Variants in ZSCAN2 observed in about 807,000 individuals in gnomAD.
ZSCAN2 encodes zinc finger and SCAN domain containing 2.
Under a neutral mutation model 47.8 loss-of-function variants are expected in ZSCAN2, and 26 were observed. The observed-to-expected ratio is 0.54, with a 90% CI of 0.40 to 0.75. ZSCAN2 has a LOEUF of 0.75. Among genes scored for constraint, ZSCAN2 ranks in the 30% least tolerant of loss-of-function variants. ZSCAN2 has a pLI of 0.00. For missense variants in ZSCAN2, 732 were observed against 785.4 expected (o/e 0.93, Z 0.81); for synonymous variants, 305 against 288.7 (o/e 1.06, Z -0.57).
chr15:84,608,393 C>T (rs1370862042), intron 2 of ZSCAN2, among the ~76,000 whole-genome samples: 6 of 151,874 alleles, frequency 4.0e-5, no homozygotes, highest in Admixed American at 1.3e-4. Flanking sequence ...ATCAGCCAGG[C>T]ATGGTGGCAT....
In ZSCAN2 at chr15:84,622,233, A is replaced by T; in HGVS notation, c.*193A>T. Reference sequence around the variant, plus strand: ...GAGTCAAGTCCCGTATACATTCAAGAACAGGGCATAGGCGTGGAAGGTCTG... The same window carrying T: ...GAGTCAAGTCCCGTATACATTCAAGTACAGGGCATAGGCGTGGAAGGTCTG... On this transcript the variant is annotated 3_prime_UTR_variant, in exon 3 of 3. Transcript: ENST00000546148. The T allele has an allele frequency of 1.6e-6, 1 of 618,324 alleles. No homozygotes were observed. The highest frequency in any genetic ancestry group is 2.9e-6 in the Non-Finnish European group (1 of 346,106). The allele number at this position is 618,324 out of a possible 1,614,324, so 38.3% of individuals were successfully genotyped here.
intron 1 of ZSCAN2, among the ~76,000 whole-genome samples, chr15:84,602,527 A>G (rs528558103): frequency 1.3e-5 from 2 of 149,954 alleles, no homozygotes; most frequent in Non-Finnish European, 3.0e-5. Context: ...TCCTGTCATT[A>G]CCACCTAAAG....
chr15:84,621,333 C>T lies in ZSCAN2; in HGVS notation c.1138C>T (p.His380Tyr), dbSNP rs761971075. Residue 380 changes from histidine to tyrosine, a missense_variant, in exon 3 of 3, where the codon CAC becomes TAC. His to Tyr is a moderately conservative substitution (Grantham distance 83, BLOSUM62 2). Transcript: ENST00000546148. The surrounding 1 kb of genome is among the most constrained non-coding windows in gnomAD (Gnocchi z 5.7). ...TAGTTACAACTCCAATCTAATCAGA[C>T]ACCAGAGAATCCACACAGGAGAGAA... is the stretch of plus-strand genomic sequence containing the variant. Reference protein sequence around the residue: ...SFSYNSNLIRHQRIHTGEKPY... With the variant: ...SFSYNSNLIRYQRIHTGEKPY... The T allele has an allele frequency of 6.2e-7, 1 of 1,613,998 alleles. No homozygotes were observed. Among genetic ancestry groups the T allele is most frequent in the Admixed American group, 1.7e-5 (1 of 59,986 alleles).
chr15:84,619,230 G>A (rs7181056), intron 2 of ZSCAN2, among the ~76,000 whole-genome samples: 130,024 of 151,858 alleles, frequency 0.86, 56,066 homozygotes, highest in African/African-American at 0.96. Flanking sequence ...AGGAGATCGA[G>A]ACCATCCTGG....
intron 2 of ZSCAN2, among the ~76,000 whole-genome samples, chr15:84,609,190 T>A (rs1313501312): frequency 6.6e-6 from 1 of 150,650 alleles, no homozygotes; most frequent in East Asian, 1.9e-4. Flanking sequence ...GAGTGGAGAG[T>A]GTTACAGCTT....
chr15:84,606,581 T>C, intron 2 of ZSCAN2: 1 of 1,614,046 alleles, frequency 6.2e-7, no homozygotes, highest in Non-Finnish European at 8.5e-7. Context: ...TGTAATGAAC[T>C]TCTGGATCTC....
At chr15:84,620,167 C>T (rs905164710) in intron 2 of ZSCAN2, among the ~76,000 whole-genome samples, 2 of 152,228 alleles carry the variant, frequency 1.3e-5, no homozygotes, top group South Asian at 2.1e-4. Flanking sequence ...TCATTCAGCT[C>T]CTGCTTATAA....
At chr15:84,616,335 C>T (rs1339351502) in intron 2 of ZSCAN2, 1 of 1,564,314 alleles carries the variant, frequency 6.4e-7, no homozygotes, top group East Asian at 2.2e-5. Flanking sequence ...ACATGGCTGC[C>T]CTGTGTGATT....
In ZSCAN2 at chr15:84,622,523, A is replaced by C. The variant is rs1017597399; in HGVS notation, c.*483A>C. On this transcript the variant is annotated 3_prime_UTR_variant, in exon 3 of 3. Transcript: ENST00000546148. ...GCTGTTAGTGTTCCAGGGCACCCCA[A>C]GCTGTCAGTTAGAATCTGCTCTTCT... The C allele has an allele frequency of 1.8e-5, 12 of 685,040 alleles. No homozygotes were observed. The African/African-American group carries it at 2.1e-4, about 12-fold the overall frequency. The allele number at this position is 685,040 out of a possible 1,614,324, so 42.4% of individuals were successfully genotyped here. A position where few individuals can be genotyped will look rare whatever the true frequency, so the allele number is the denominator to read the frequency against.
intron 2 of ZSCAN2, among the ~76,000 whole-genome samples, chr15:84,618,561 A>AT (rs768935304): frequency 3.6e-3 from 497 of 139,542 alleles, no homozygotes; most frequent in Middle Eastern, 0.011. Context: ...ACAGCCATTA[A>AT]TTTTTTTTTT....
chr15:84,614,045 C>T (rs1895629286), intron 2 of ZSCAN2, among the ~76,000 whole-genome samples: 1 of 123,820 alleles, frequency 8.1e-6, no homozygotes, highest in African/African-American at 3.1e-5. Context: ...GGCTGGAATG[C>T]AGTAGCATGA....
rs971549996 is a variant in ZSCAN2 at position 84,623,044 on chromosome 15, C to A, written c.*1004C>A. On this transcript the variant is annotated 3_prime_UTR_variant, in exon 3 of 3. Coordinates refer to ENST00000546148, the MANE Select transcript of ZSCAN2 (RefSeq NM_181877.4). Reference sequence around the variant, plus strand: ...CTTTTATTTTTTATTTGATATATGCCGAGCTAGAATCCTGTCGGGTAGCTT... The same window carrying A: ...CTTTTATTTTTTATTTGATATATGCAGAGCTAGAATCCTGTCGGGTAGCTT... 2.4e-5 allele frequency: 5 copies of A among 211,232 alleles called. No homozygotes were observed. In the South Asian group the frequency reaches 4.5e-4, roughly 19 times the overall value. 13.1% of individuals were successfully genotyped at this position (211,232 alleles called of 1,614,324 possible).
intron 2 of ZSCAN2, chr15:84,616,250 A>G: frequency 1.1e-6 from 1 of 917,496 alleles, no homozygotes; most frequent in Non-Finnish European, 1.8e-6. Context: ...AAAATAAATA[A>G]ATAAATACCT....
In ZSCAN2 at chr15:84,621,131, C is replaced by G. The variant is rs755929799; in HGVS notation, c.936C>G (p.Gly312=). The G allele has an allele frequency of 1.9e-6, 3 of 1,613,550 alleles. No individual in the cohort carries two copies. The highest frequency in any genetic ancestry group is 2.2e-5 in the South Asian group (2 of 91,052). The change falls in exon 3 of 3, where the codon GGC becomes GGG. Residue 312 remains glycine, a synonymous_variant. Transcript: ENST00000546148. The surrounding 1 kb of genome is among the most constrained non-coding windows in gnomAD (Gnocchi z 5.7). ...GEKPFQCAEC[G]KSFSRSPNLI... is the part of the protein sequence containing the mutation. ...AGCCCTTCCAGTGTGCCGAGTGTGG[C>G]AAGAGCTTCAGCAGGAGTCCCAACC...
chr15:84,620,818 A>G lies in ZSCAN2; in HGVS notation c.623A>G (p.Gln208Arg), dbSNP rs151264960. 8.7e-4 allele frequency: 1,401 copies of G among 1,614,256 alleles called. 8 individuals carry two copies. In the Middle Eastern group the frequency reaches 9.1e-3, roughly 10 times the overall value. The change falls in exon 3 of 3, where the codon CAG (glutamine) becomes CGG (arginine). Residue 208 changes from glutamine to arginine, a missense_variant. Transcript: ENST00000546148. The part of the protein sequence containing the change: ...EVVSQDREVG[Q>R]LIGLQGTYLG... ...GTTTCTCAGGACAGGGAAGTTGGCC[A>G]GCTCATAGGCCTGCAGGGCACCTAC...
At chr15:84,606,173 C>T (rs184416175) in intron 2 of ZSCAN2, among the ~76,000 whole-genome samples, 142 of 152,318 alleles carry the variant, frequency 9.3e-4, no homozygotes, top group African/African-American at 3.3e-3. Flanking sequence ...GGATTTGGGG[C>T]AGAGACTATC....
At chr15:84,612,442 G>A (rs572149552) in intron 2 of ZSCAN2, among the ~76,000 whole-genome samples, 2 of 152,142 alleles carry the variant, frequency 1.3e-5, no homozygotes, top group East Asian at 1.9e-4. Context: ...ATGTAGAAAT[G>A]ACCTTCTAAA....
intron 2 of ZSCAN2, among the ~76,000 whole-genome samples, chr15:84,619,391 T>C (rs978163121): frequency 1.1e-4 from 17 of 151,402 alleles, no homozygotes; most frequent in East Asian, 2.0e-4. Flanking sequence ...GATCGCGCCA[T>C]TGCACTCCAG....
intron 2 of ZSCAN2, chr15:84,606,361 C>T: frequency 1.6e-6 from 1 of 623,282 alleles, no homozygotes; most frequent in Non-Finnish European, 2.9e-6. Flanking sequence ...AGGAAACTCA[C>T]ATGGCTGTTG....
Sources: gnomAD v4.1 joint callset for allele counts (sites outside exome capture counted in the v4.1 genomes callset) on GRCh38, gnomAD v4.1.1 for gene constraint, Gnocchi (gnomAD v3.1) non-coding constraint, MANE v1.5 for transcripts, NCBI Gene and HGNC (gene_info 2026-07-23, HGNC 2026-07-21) for gene names.